The following RUNX2 variants were observed in gnomAD, a reference collection of about 807,000 sequenced individuals.
The protein encoded by RUNX2 is runt-related transcription factor 2.
In RUNX2, 10 loss-of-function variants were observed where a neutral mutation model predicts 51.7. The ratio of observed to expected loss-of-function variants is 0.19; its 90% CI spans 0.12 to 0.33. RUNX2 has a LOEUF of 0.33. RUNX2 is among the 10% of genes least tolerant of loss of function. The probability of loss-of-function intolerance (pLI) is 1.00; values close to 1 mark genes in which losing one functional copy is unlikely to be tolerated. For missense variants in RUNX2, 562 were observed against 691.3 expected, an observed-to-expected ratio of 0.81 and a Z score of 2.10; for synonymous variants, 276 against 273.6, an observed-to-expected ratio of 1.01 and a Z score of -0.09.
rs552636469 is a variant in RUNX2, at chr6:45,468,366, A to C, written c.686-23575A>C. On this transcript the variant is annotated intron_variant, in intron 5 of 8. Coordinates refer to ENST00000647337, the MANE Select transcript of RUNX2 (RefSeq NM_001024630.4). ...TTATATTCATATATTTTAATATCTAAATACTTAGAGAACATGCTAGAAAAC... is the reference window on the plus strand; with the variant it reads ...TTATATTCATATATTTTAATATCTACATACTTAGAGAACATGCTAGAAAAC... 1.1e-4 allele frequency among the ~76,000 whole-genome samples: 16 copies of C among 152,332 alleles called. No individual in the cohort carries two copies. The South Asian group carries it at 3.1e-3, about 30-fold the overall frequency.
Position 45,547,012 on chromosome 6 carries a change from C to T in RUNX2, c.1273C>T (p.Pro425Ser). ...TCACTACCACACCTACCTGCCACCA[C>T]CCTACCCCGGCTCTTCCCAAAGCCA... Reference protein sequence around the residue: ...TTHYHTYLPPPYPGSSQSQSG... With the variant: ...TTHYHTYLPPSYPGSSQSQSG... Residue 425 changes from proline to serine, a missense_variant, in exon 9 of 9, where the codon CCC becomes TCC. This residue lies in a region of RUNX2 where 304 missense variants were observed against 353.2 expected (regional missense o/e 0.86). Transcript: ENST00000647337. The T allele has an allele frequency of 6.2e-7, 1 of 1,614,128 alleles. No individual in the cohort carries two copies. The highest frequency in any genetic ancestry group is 8.5e-7 in the Non-Finnish European group (1 of 1,180,030).
chr6:45,346,807 C>T (rs577867637), intron 2 of RUNX2, among the ~76,000 whole-genome samples: 1 of 152,186 alleles, frequency 6.6e-6, no homozygotes, highest in African/African-American at 2.4e-5. Context: ...TCAGGTGATT[C>T]GCCCACCTTG....
intron 5 of RUNX2, among the ~76,000 whole-genome samples, chr6:45,451,551 A>G (rs1799171353): frequency 6.6e-6 from 1 of 152,252 alleles, no homozygotes; most frequent in South Asian, 2.1e-4. Flanking sequence ...ATAAGTTGAA[A>G]GACTTGGGAT....
chr6:45,462,340 G>C (rs1799500800), intron 5 of RUNX2, among the ~76,000 whole-genome samples: 2 of 152,214 alleles, frequency 1.3e-5, no homozygotes, highest in Admixed American at 1.3e-4. Context: ...GATGGGGTAT[G>C]ACAGTTCTGC....
intron 2 of RUNX2, among the ~76,000 whole-genome samples, chr6:45,367,292 G>A (rs1038730726): frequency 6.6e-6 from 1 of 152,096 alleles, no homozygotes; most frequent in Admixed American, 6.6e-5. Context: ...CACTTAAACT[G>A]AGCCCGAAAA....
At chr6:45,499,557 G>A (rs1800740851) in intron 6 of RUNX2, among the ~76,000 whole-genome samples, 1 of 152,160 alleles carries the variant, frequency 6.6e-6, no homozygotes, top group Non-Finnish European at 1.5e-5. Context: ...GCTTCTTAAA[G>A]GTGCTCTGTT....
intron 2 of RUNX2, among the ~76,000 whole-genome samples, chr6:45,403,525 G>A (rs1369740189): frequency 6.6e-6 from 1 of 152,154 alleles, no homozygotes; most frequent in Non-Finnish European, 1.5e-5. Context: ...GAGCCACTGC[G>A]CCTGGCCTGA....
At chr6:45,390,444 T>C (rs1307850175) in intron 2 of RUNX2, among the ~76,000 whole-genome samples, 5 of 152,266 alleles carry the variant, frequency 3.3e-5, no homozygotes, top group African/African-American at 1.2e-4. Context: ...ATGTGCTTTT[T>C]CACCTCATAA....
intron 2 of RUNX2, among the ~76,000 whole-genome samples, chr6:45,340,741 A>G (rs1789614519): frequency 6.6e-6 from 1 of 152,176 alleles, no homozygotes; most frequent in Non-Finnish European, 1.5e-5. Flanking sequence ...ATATAAAAAT[A>G]TAATTTAGGG....
intron 2 of RUNX2, chr6:45,372,039 T>C: frequency 1.0e-6 from 1 of 967,082 alleles, no homozygotes. Context: ...TAAAAGTTTA[T>C]CATAACTAAC....
intron 2 of RUNX2, among the ~76,000 whole-genome samples, chr6:45,354,571 C>A (rs1792751806): frequency 1.3e-5 from 2 of 152,062 alleles, no homozygotes; most frequent in Non-Finnish European, 2.9e-5. Context: ...TAAGGGGCTT[C>A]ACTGCATTTA....
At chr6:45,365,612 A>T (rs1469204402) in intron 2 of RUNX2, among the ~76,000 whole-genome samples, 2 of 149,464 alleles carry the variant, frequency 1.3e-5, no homozygotes, top group Non-Finnish European at 3.0e-5. Flanking sequence ...ATTGGTTTTC[A>T]AAATGTGCTT....
At chr6:45,533,124 C>A (rs1469870675) in intron 7 of RUNX2, among the ~76,000 whole-genome samples, 1 of 138,348 alleles carries the variant, frequency 7.2e-6, no homozygotes, top group African/African-American at 3.1e-5. Context: ...AAGATGAAAC[C>A]CCTCTGAAGG....
chr6:45,521,240 A>G (rs1226995519), intron 7 of RUNX2, among the ~76,000 whole-genome samples: 1 of 152,236 alleles, frequency 6.6e-6, no homozygotes, highest in Non-Finnish European at 1.5e-5. Context: ...GGAAGAAAAA[A>G]GATTTTGTTC....
At chr6:45,435,619 A>G (rs1798663655) in intron 4 of RUNX2, among the ~76,000 whole-genome samples, 1 of 152,146 alleles carries the variant, frequency 6.6e-6, no homozygotes, top group Non-Finnish European at 1.5e-5. Flanking sequence ...CCACCTCCCA[A>G]AGTGTTGGGA....
rs7768951 is a variant in RUNX2 at position 45,466,560 on chromosome 6, T to A, written c.686-25381T>A. Among the ~76,000 whole-genome samples, 964 of 152,252 alleles carry A rather than the reference T, an allele frequency of 6.3e-3. 9 individuals carry two copies. The highest frequency in any genetic ancestry group is 0.022 in the African/African-American group (902 of 41,552). ...TCTGGTTGTGTGATGATCTTTCAGGTCTCCAAGAAGGGTGGCCAGGATGGC... is the reference window on the plus strand; with the variant it reads ...TCTGGTTGTGTGATGATCTTTCAGGACTCCAAGAAGGGTGGCCAGGATGGC... On this transcript the variant is annotated intron_variant, in intron 5 of 8. Coordinates refer to ENST00000647337, the MANE Select transcript of RUNX2 (RefSeq NM_001024630.4).
At chr6:45,498,599 A>G (rs1208082575) in intron 6 of RUNX2, among the ~76,000 whole-genome samples, 1 of 152,244 alleles carries the variant, frequency 6.6e-6, no homozygotes, top group Non-Finnish European at 1.5e-5. Flanking sequence ...TAAGGCATGT[A>G]TTTAAGGTAA....
chr6:45,512,334 C>A lies in RUNX2; in HGVS notation c.948C>A (p.His316Gln). The A allele has an allele frequency of 6.2e-7, 1 of 1,614,178 alleles. No individual in the cohort carries two copies. The highest frequency in any genetic ancestry group is 8.5e-7 in the Non-Finnish European group (1 of 1,180,024). Residue 316 changes from histidine to glutamine, a missense_variant, in exon 7 of 9, where the codon CAC becomes CAA. Physicochemically the swap from His to Gln is conservative, Grantham distance 24. Around this residue, in one of 5 missense-constraint regions of RUNX2, gnomAD observed 304 missense variants for 353.2 expected, o/e 0.86. Transcript: ENST00000647337. ...YLSQMTSPSIHSTTPLSSTRG... is the reference protein window; with the variant it reads ...YLSQMTSPSIQSTTPLSSTRG... ...GCCAGATGACGTCCCCGTCCATCCA[C>A]TCTACCACCCCGCTGTCTTCCACAC...
intron 2 of RUNX2, among the ~76,000 whole-genome samples, chr6:45,329,870 C>T (rs1787106671): frequency 6.6e-6 from 1 of 151,876 alleles, no homozygotes; most frequent in Non-Finnish European, 1.5e-5. Context: ...GTTCCAACTA[C>T]AAGGCAAGTT....
Sources: allele counts gnomAD v4.1 joint callset (sites outside exome capture counted in the v4.1 genomes callset), GRCh38; gene constraint gnomAD v4.1.1; regional missense constraint gnomAD v4.1.1; transcripts MANE v1.5; gene names NCBI Gene and HGNC (gene_info 2026-07-23, HGNC 2026-07-21).